The following TNS1 variants were observed in gnomAD, a reference collection of about 807,000 sequenced individuals.
TNS1 encodes tensin-1.
A neutral mutation model predicts 168.6 loss-of-function variants in TNS1; 62 were observed. That is an observed-to-expected ratio of 0.37 (90% CI 0.30 to 0.45). The LOEUF (loss-of-function observed/expected upper bound fraction) is 0.45. Among genes scored for constraint, TNS1 ranks in the 20% least tolerant of loss-of-function variants. The probability of loss-of-function intolerance (pLI) is 1.00; values close to 1 mark genes in which losing one functional copy is unlikely to be tolerated. For missense variants in TNS1, 2,240 were observed against 2,339.4 expected, an observed-to-expected ratio of 0.96 and a Z score of 0.88; for synonymous variants, 934 against 933.2, an observed-to-expected ratio of 1.00 and a Z score of -0.02.
At chr2:217,945,250 G>C (rs1478929711) in intron 3 of TNS1, among the ~76,000 whole-genome samples, 1 of 152,148 alleles carries the variant, frequency 6.6e-6, no homozygotes. Context: ...GAACTTTTCC[G>C]GTCTTAACAC....
chr2:217,806,930 T>G (rs1939237788), intron 32 of TNS1, among the ~76,000 whole-genome samples: 1 of 152,210 alleles, frequency 6.6e-6, no homozygotes, highest in Non-Finnish European at 1.5e-5. Context: ...CCTACTCCCA[T>G]TCTCATTTTG....
Position 217,818,474 on chromosome 2 carries a change from G to A in TNS1, c.3858C>T (p.His1286=), listed in dbSNP as rs1942285396. The A allele has an allele frequency of 1.9e-6, 3 of 1,614,136 alleles. No homozygotes were observed. The highest frequency in any genetic ancestry group is 2.2e-5 in the East Asian group (1 of 44,898). ...GGGGAGTGTTGGTGCCCACTGTTCT[G>A]TGGCGCGCCTGAGGGCTCCCAGGCA... The part of the protein sequence containing the change: ...HTVPGSPQAR[H]RTVGTNTPPS... The change falls in exon 24 of 33, where the codon CAC becomes CAT. Residue 1286 remains histidine (H), a synonymous_variant. Transcript: ENST00000682258.
intron 24 of TNS1, among the ~76,000 whole-genome samples, chr2:217,816,590 G>A (rs941063680): frequency 9.9e-5 from 15 of 152,174 alleles, no homozygotes; most frequent in Non-Finnish European, 2.2e-4. Flanking sequence ...CACTGCTGCC[G>A]TGGCCTGTTT....
chr2:218,023,102 A>G (rs1012850459), intron 1 of TNS1, among the ~76,000 whole-genome samples: 5 of 152,230 alleles, frequency 3.3e-5, no homozygotes, highest in African/African-American at 7.2e-5. Flanking sequence ...GGGGCAGTAA[A>G]TTAGTCAAGT....
chr2:217,839,251 C>T (rs1421876750), intron 19 of TNS1, among the ~76,000 whole-genome samples: 3 of 152,094 alleles, frequency 2.0e-5, no homozygotes, highest in African/African-American at 7.2e-5. Context: ...GCTGGGGTAC[C>T]CTTATGACAA....
rs759179462 is a variant in TNS1 at position 217,897,930 on chromosome 2, C to T, written c.411G>A (p.Glu137=). Residue 137 remains glutamate, a synonymous_variant, in exon 8 of 33, where the codon GAG becomes GAA. Transcript: ENST00000682258. ...TCTCTGTGACGTACACCAGGTCCAG[C>T]TCACAGCTGTCCTCCATGGTCCGGC... The part of the protein sequence containing the change: ...SVSRTMEDSC[E]LDLVYVTERI... 5 of 1,612,190 alleles carry T rather than the reference C, an allele frequency of 3.1e-6. No individual in the cohort carries two copies. In the African/African-American group the frequency reaches 5.3e-5, roughly 17 times the overall value.
chr2:218,016,419 C>G (rs936436654), intron 1 of TNS1, among the ~76,000 whole-genome samples: 1 of 152,122 alleles, frequency 6.6e-6, no homozygotes, highest in Admixed American at 6.5e-5. Flanking sequence ...CCAGCAGCTC[C>G]CCTCCATCTG....
intron 19 of TNS1, among the ~76,000 whole-genome samples, chr2:217,845,751 C>T (rs561723602): frequency 2.0e-5 from 3 of 152,282 alleles, no homozygotes; most frequent in Admixed American, 2.0e-4. Flanking sequence ...AAAAGGCAGT[C>T]CACTACAAGA....
At chr2:218,027,875 C>T (rs952610778) in intron 1 of TNS1, among the ~76,000 whole-genome samples, 12 of 152,186 alleles carry the variant, frequency 7.9e-5, no homozygotes, top group Admixed American at 3.9e-4. Flanking sequence ...GCCAGAGGCC[C>T]TGCAGACTGC....
Position 217,836,012 on chromosome 2 carries a change from C to T in TNS1, c.3204+3G>A, listed in dbSNP as rs957350414. On this transcript the variant is annotated splice_donor_region_variant and intron_variant, in intron 20 of 32. Coordinates refer to ENST00000682258, the MANE Select transcript of TNS1 (RefSeq NM_001387777.1). Reference sequence around the variant, plus strand: ...AGCCCCAAGATACAGCTTAAGGACTCACCTCTTTGGGCCGCCCTCCAGGAT... The same window carrying T: ...AGCCCCAAGATACAGCTTAAGGACTTACCTCTTTGGGCCGCCCTCCAGGAT... 1 of 1,611,860 alleles carries T rather than the reference C, an allele frequency of 6.2e-7. No individual in the cohort carries two copies. Among genetic ancestry groups the T allele is most frequent in the Non-Finnish European group, 8.5e-7 (1 of 1,178,422 alleles).
rs1948432403 is a variant in TNS1, at chr2:217,858,514, G to T, written c.1430-9427C>A. 5.1e-6 allele frequency: 5 copies of T among 986,206 alleles called. No individual in the cohort carries two copies. The South Asian group carries it at 2.3e-4, about 46-fold the overall frequency. The allele number at this position is 986,206 out of a possible 1,614,324, so 61.1% of individuals were successfully genotyped here. Reference sequence around the variant, plus strand: ...TACCCTCTGGAGGGAGGGAGGGAGAGGGAGGAAGCGGAGGGAAGCCCGCTC... The same window carrying T: ...TACCCTCTGGAGGGAGGGAGGGAGATGGAGGAAGCGGAGGGAAGCCCGCTC... On this transcript the variant is annotated intron_variant, in intron 18 of 32. Transcript: ENST00000682258.
At chr2:218,027,128 C>CAG (rs1559414682) in intron 1 of TNS1, among the ~76,000 whole-genome samples, 3 of 152,114 alleles carry the variant, frequency 2.0e-5, no homozygotes, top group Admixed American at 6.5e-5. Context: ...CACACACACA[C>CAG]GCTCATTCTT....
chr2:217,919,329 G>A (rs992974910), intron 4 of TNS1, among the ~76,000 whole-genome samples: 3 of 152,172 alleles, frequency 2.0e-5, no homozygotes, highest in African/African-American at 7.2e-5. Context: ...GGACAGCCAC[G>A]CCCCGCCCCA....
At chr2:217,899,567 A>T (rs1549590) in intron 7 of TNS1, among the ~76,000 whole-genome samples, 2 of 152,192 alleles carry the variant, frequency 1.3e-5, no homozygotes, top group African/African-American at 4.8e-5. Flanking sequence ...AACTCGCAAG[A>T]CAAGCTCCTG....
At chr2:217,924,671 C>T (rs1294254359) in intron 3 of TNS1, among the ~76,000 whole-genome samples, 1 of 152,196 alleles carries the variant, frequency 6.6e-6, no homozygotes, top group Non-Finnish European at 1.5e-5. Flanking sequence ...CACCTGATCT[C>T]TCCGAGACCC....
intron 1 of TNS1, among the ~76,000 whole-genome samples, chr2:218,024,372 G>A (rs1246503071): frequency 2.1e-5 from 3 of 143,242 alleles, no homozygotes; most frequent in African/African-American, 7.7e-5. Flanking sequence ...TGCAATCCCA[G>A]TAAGAGGCAA....
At chr2:217,974,617 C>T (rs777417216) in intron 3 of TNS1, among the ~76,000 whole-genome samples, 3 of 152,198 alleles carry the variant, frequency 2.0e-5, no homozygotes, top group Non-Finnish European at 4.4e-5. Context: ...CTCTCAAGCA[C>T]GTCCAAGTGG....
At chr2:217,821,683 C>T (rs1025442908) in intron 23 of TNS1, 57 bp downstream of exon 23, 32 of 1,397,440 alleles carry the variant, frequency 2.3e-5, no homozygotes, top group Middle Eastern at 2.6e-4. Context: ...TCACCCATCC[C>T]GTCCCAGTCC....
chr2:217,921,716 T>C (rs1181939287), intron 3 of TNS1, among the ~76,000 whole-genome samples: 1 of 152,112 alleles, frequency 6.6e-6, no homozygotes, highest in Non-Finnish European at 1.5e-5. Context: ...CTAGGACTGG[T>C]GGGAGAAGAA....
Sources: allele counts gnomAD v4.1 joint callset (sites outside exome capture counted in the v4.1 genomes callset), GRCh38; gene constraint gnomAD v4.1.1; transcripts MANE v1.5; gene names NCBI Gene and HGNC (gene_info 2026-07-23, HGNC 2026-07-21).